Variants in DLC1 observed in about 807,000 individuals in gnomAD.
DLC1 encodes the protein rho GTPase-activating protein 7.
Under a neutral mutation model 140.3 loss-of-function variants are expected in DLC1, and 54 were observed. The observed-to-expected ratio is 0.38, with a 90% CI of 0.31 to 0.48. The LOEUF (loss-of-function observed/expected upper bound fraction) is 0.48, where lower values mean the gene tolerates loss of function less well. Among genes scored for constraint, DLC1 ranks in the 20% least tolerant of loss-of-function variants. DLC1 has a pLI of 0.96. For missense variants in DLC1, 2,536 were observed against 1,907.0 expected (o/e 1.33, Z -6.14); for synonymous variants, 986 against 728.1 (o/e 1.35, Z -5.70).
chr8:13,356,609 T>C (rs1225279124), intron 4 of DLC1, among the ~76,000 whole-genome samples: 1 of 152,192 alleles, frequency 6.6e-6, no homozygotes, highest in African/African-American at 2.4e-5. Flanking sequence ...TTAAATTGTA[T>C]CATAATAATC....
chr8:13,548,426 G>A (rs1385413977), intron 1 of DLC1, among the ~76,000 whole-genome samples: 1 of 152,032 alleles, frequency 6.6e-6, no homozygotes, highest in Non-Finnish European at 1.5e-5. Flanking sequence ...TGAAACAGAG[G>A]TGGAATTTGG....
intron 5 of DLC1, among the ~76,000 whole-genome samples, chr8:13,192,898 C>G (rs976826795): frequency 2.0e-5 from 3 of 152,316 alleles, no homozygotes; most frequent in African/African-American, 4.8e-5. Flanking sequence ...GACTTCTAGC[C>G]TCCAGGACTA....
intron 5 of DLC1, among the ~76,000 whole-genome samples, chr8:13,216,634 T>G (rs1828212706): frequency 6.6e-6 from 1 of 152,144 alleles, no homozygotes; most frequent in Non-Finnish European, 1.5e-5. Context: ...CACCTCCTCT[T>G]TCTCTGAAAT....
At position 13,407,669 on chromosome 8, in the gene DLC1, C is replaced by G. The variant is rs1309604780; in HGVS notation, c.1024-6050G>C. Among the ~76,000 whole-genome samples the G allele has an allele frequency of 2.0e-5, 3 of 152,174 alleles. No individual in the cohort carries two copies. The East Asian group carries it at 5.8e-4, about 29-fold the overall frequency. On this transcript the variant is annotated intron_variant, in intron 2 of 17. Coordinates refer to ENST00000276297, the MANE Select transcript of DLC1 (RefSeq NM_182643.3). ...TCAATGAACGGTGGCATCACATAGT[C>G]ATGATAAATTAAATGCTAAACCGGG... is the stretch of plus-strand genomic sequence containing the variant.
chr8:13,150,402 CT>C (rs368982817), intron 5 of DLC1, among the ~76,000 whole-genome samples: 12 of 151,484 alleles, frequency 7.9e-5, no homozygotes, highest in African/African-American at 2.4e-4. Context: ...CATTGTCTCT[CT>C]TTTTTTTTCT....
intron 2 of DLC1, among the ~76,000 whole-genome samples, chr8:13,496,322 T>A (rs1801497638): frequency 1.3e-5 from 2 of 152,214 alleles, no homozygotes; most frequent in Admixed American, 1.3e-4. Flanking sequence ...TTTTGTGCCA[T>A]GCAGAAAATG....
intron 5 of DLC1, among the ~76,000 whole-genome samples, chr8:13,264,052 T>TTTTTTTTATTTATTTA (rs1554484714): frequency 2.2e-4 from 32 of 143,094 alleles, no homozygotes; most frequent in South Asian, 7.0e-4. Context: ...ATAAGAAGCT[T>TTTTTTTTATTTATTTA]TTTATTTATT....
intron 1 of DLC1, among the ~76,000 whole-genome samples, chr8:13,500,482 C>G (rs1801765190): frequency 6.6e-6 from 1 of 152,168 alleles, no homozygotes; most frequent in Admixed American, 6.5e-5. Flanking sequence ...ATTTAAAACT[C>G]CATTAAGAAA....
chr8:13,598,857 CTT>C (rs941069556), intron 1 of DLC1, among the ~76,000 whole-genome samples: 1 of 151,424 alleles, frequency 6.6e-6, no homozygotes, highest in Admixed American at 6.6e-5. Context: ...TAATTTAAAA[CTT>C]TTTTTTGGCT....
At chr8:13,560,071 A>C (rs180844127) in intron 1 of DLC1, among the ~76,000 whole-genome samples, 1 of 152,350 alleles carries the variant, frequency 6.6e-6, no homozygotes, top group Non-Finnish European at 1.5e-5. Flanking sequence ...GAGATGGTAC[A>C]ATTCAAATTC....
At chr8:13,095,399 T>A in intron 10 of DLC1, 154 bp from the exon 11 acceptor site, 1 of 908,998 alleles carries the variant, frequency 1.1e-6, no homozygotes, top group Non-Finnish European at 1.7e-6. Context: ...CAAATTCAGT[T>A]CCCCAGTGGT....
At chr8:13,298,368 G>A (rs148662127) in intron 5 of DLC1, among the ~76,000 whole-genome samples, 2 of 152,100 alleles carry the variant, frequency 1.3e-5, no homozygotes, top group African/African-American at 4.8e-5. Flanking sequence ...TTGGCCGTTG[G>A]GTTGAGTAGT....
chr8:13,277,782 T>C (rs1287897551), intron 5 of DLC1, among the ~76,000 whole-genome samples: 1 of 152,174 alleles, frequency 6.6e-6, no homozygotes, highest in Non-Finnish European at 1.5e-5. Context: ...AAAGGCCAGT[T>C]CATAACCTTT....
chr8:13,567,866 C>G, intron 1 of DLC1: 1 of 1,551,820 alleles, frequency 6.4e-7, no homozygotes, highest in Non-Finnish European at 8.7e-7. Flanking sequence ...GGAAATAGTG[C>G]TTGTCATTTA....
chr8:13,548,272 T>C (rs1176168289), intron 1 of DLC1, among the ~76,000 whole-genome samples: 3 of 152,058 alleles, frequency 2.0e-5, no homozygotes, highest in Non-Finnish European at 4.4e-5. Flanking sequence ...TGTTACATGT[T>C]TCTATGGCAT....
At chr8:13,188,849 T>A (rs1430774709) in intron 5 of DLC1, among the ~76,000 whole-genome samples, 11 of 25,204 alleles carry the variant, frequency 4.4e-4, no homozygotes, top group South Asian at 2.9e-3. Flanking sequence ...ATATATTTTT[T>A]TTTTTTTTTT....
At chr8:13,332,373 T>C (rs1327725678) in intron 4 of DLC1, among the ~76,000 whole-genome samples, 1 of 152,032 alleles carries the variant, frequency 6.6e-6, no homozygotes, top group African/African-American at 2.4e-5. Flanking sequence ...AGAGCACACA[T>C]AGCATACCTT....
intron 4 of DLC1, among the ~76,000 whole-genome samples, chr8:13,390,670 G>A (rs375545305): frequency 5.9e-5 from 9 of 152,268 alleles, no homozygotes; most frequent in African/African-American, 1.9e-4. Flanking sequence ...AAACCTGCAC[G>A]TTCTGCACAT....
chr8:13,369,683 ACTG>A (rs1212036014), intron 4 of DLC1, among the ~76,000 whole-genome samples: 2 of 152,062 alleles, frequency 1.3e-5, no homozygotes, highest in East Asian at 3.9e-4. Context: ...TTTTACCAGC[ACTG>A]CTGCTAGCTA....
Sources: gnomAD v4.1 joint callset for allele counts (sites outside exome capture counted in the v4.1 genomes callset) on GRCh38, gnomAD v4.1.1 for gene constraint, MANE v1.5 for transcripts, NCBI Gene and HGNC (gene_info 2026-07-23, HGNC 2026-07-21) for gene names.